Variants in ROBO1 observed in about 807,000 individuals in gnomAD.
ROBO1 encodes roundabout guidance receptor 1.
In ROBO1, 149 loss-of-function variants were observed where a neutral mutation model predicts 195.9. The observed-to-expected ratio is 0.76, with a 90% confidence interval of 0.67 to 0.87. ROBO1 has a LOEUF of 0.87. Ranked by LOEUF, ROBO1 falls within the 40% of genes least tolerant of loss-of-function variation. The pLI, the probability that ROBO1 is intolerant of heterozygous loss-of-function variation, is 0.00. For synonymous variants in ROBO1, 816 were observed against 733.2 expected (o/e 1.11, Z -1.82); for missense variants, 1,933 against 2,068.3 (o/e 0.93, Z 1.27).
chr3:79,070,194 T>A (rs1371447654), intron 3 of ROBO1, among the ~76,000 whole-genome samples: 1 of 151,902 alleles, frequency 6.6e-6, no homozygotes, highest in Admixed American at 6.6e-5. Context: ...TCCATATTGT[T>A]GTCATCCAGT....
intron 2 of ROBO1, among the ~76,000 whole-genome samples, chr3:79,510,257 G>A (rs992126068): frequency 6.6e-6 from 1 of 152,154 alleles, no homozygotes; most frequent in African/African-American, 2.4e-5. Context: ...TCTCATGACA[G>A]TGAGTGAGTT....
chr3:79,619,163 G>GC (rs1944924232), intron 1 of ROBO1, among the ~76,000 whole-genome samples: 1 of 66,000 alleles, frequency 1.5e-5, no homozygotes, highest in Admixed American at 1.8e-4. Context: ...CCGCAGGGAT[G>GC]CCTGCCTTGG....
chr3:79,464,329 C>A (rs1937828761), intron 2 of ROBO1, among the ~76,000 whole-genome samples: 1 of 152,188 alleles, frequency 6.6e-6, no homozygotes, highest in African/African-American at 2.4e-5. Flanking sequence ...TATATTTAAT[C>A]AAGGAACTGC....
Position 78,739,389 on chromosome 3 carries a change from T to A in ROBO1, c.657+7354A>T, listed in dbSNP as rs2082469613. 2.0e-5 allele frequency among the ~76,000 whole-genome samples: 3 copies of A among 152,170 alleles called. No homozygotes were observed. In the South Asian group the frequency reaches 6.2e-4, roughly 31 times the overall value. On this transcript the variant is annotated intron_variant, in intron 5 of 30. Coordinates refer to ENST00000464233, the MANE Select transcript of ROBO1 (RefSeq NM_002941.4). ...AATATCTCATAATTGCTTACTTTTT[T>A]CAACAATAACTTTTGAAATGTGTGC...
intron 2 of ROBO1, among the ~76,000 whole-genome samples, chr3:79,455,936 C>A (rs1478949845): frequency 2.6e-5 from 4 of 152,026 alleles, no homozygotes; most frequent in Non-Finnish European, 5.9e-5. Context: ...AATAAAGAAA[C>A]CCGAGTAGCT....
chr3:79,748,043 A>G (rs919723469), intron 1 of ROBO1, among the ~76,000 whole-genome samples: 2 of 150,832 alleles, frequency 1.3e-5, no homozygotes, highest in Admixed American at 6.6e-5. Context: ...TTCAGTAACC[A>G]AAAAAAAATA....
chr3:79,751,050 A>G (rs1488576863), intron 1 of ROBO1, among the ~76,000 whole-genome samples: 1 of 152,256 alleles, frequency 6.6e-6, no homozygotes, highest in Admixed American at 6.5e-5. Context: ...ATGGCACAGT[A>G]GCTTGAAGAA....
intron 2 of ROBO1, among the ~76,000 whole-genome samples, chr3:79,163,318 T>G (rs1430625250): frequency 1.3e-5 from 2 of 152,156 alleles, no homozygotes; most frequent in African/African-American, 4.8e-5. Flanking sequence ...CTTAGTATAA[T>G]GTTTTCAAGG....
intron 2 of ROBO1, among the ~76,000 whole-genome samples, chr3:79,173,973 T>A (rs1394284593): frequency 6.6e-6 from 1 of 152,020 alleles, no homozygotes; most frequent in Non-Finnish European, 1.5e-5. Flanking sequence ...TGGAGAACCT[T>A]TGTGTCTGGC....
intron 2 of ROBO1, among the ~76,000 whole-genome samples, chr3:79,327,272 A>T (rs1434913633): frequency 3.3e-5 from 5 of 152,024 alleles, no homozygotes; most frequent in Non-Finnish European, 5.9e-5. Context: ...TCATTATTAA[A>T]TATAAAATGT....
chr3:78,822,651 G>GA lies in ROBO1; in HGVS notation c.500-75752dup, dbSNP rs566965425. Reference sequence around the variant, plus strand: ...CATATAAGAATACATGGTTTCCTCTGAAAAAGCAACATTTCTATGAGTTAA... The same window carrying GA: ...CATATAAGAATACATGGTTTCCTCTGAAAAAAGCAACATTTCTATGAGTTAA... On this transcript the variant is annotated intron_variant, in intron 4 of 30. Transcript: ENST00000464233. Among the ~76,000 whole-genome samples the GA allele has an allele frequency of 1.7e-3, 259 of 152,244 alleles. 3 individuals carry two copies. In the Middle Eastern group the frequency reaches 0.024, roughly 14 times the overall value.
chr3:78,805,927 A>G (rs906655772), intron 4 of ROBO1, among the ~76,000 whole-genome samples: 9 of 152,080 alleles, frequency 5.9e-5, no homozygotes, highest in Non-Finnish European at 1.0e-4. Context: ...AAAATTCTCA[A>G]TAGACTTCAA....
At chr3:79,620,064 G>T (rs1944956024) in intron 1 of ROBO1, among the ~76,000 whole-genome samples, 1 of 152,140 alleles carries the variant, frequency 6.6e-6, no homozygotes, top group East Asian at 1.9e-4. Flanking sequence ...ATTCCTACAG[G>T]AACTCCTCCC....
At chr3:78,943,773 A>C (rs1178165930) in intron 3 of ROBO1, among the ~76,000 whole-genome samples, 1 of 152,222 alleles carries the variant, frequency 6.6e-6, no homozygotes, top group Non-Finnish European at 1.5e-5. Flanking sequence ...TAATAATTTG[A>C]GGAGAATGAA....
At chr3:79,616,213 T>G (rs955674323) in intron 1 of ROBO1, among the ~76,000 whole-genome samples, 1 of 152,148 alleles carries the variant, frequency 6.6e-6, no homozygotes. Flanking sequence ...GCAGTAGACA[T>G]CATCCTGGCA....
intron 4 of ROBO1, among the ~76,000 whole-genome samples, chr3:78,764,824 A>T (rs1000872257): frequency 1.8e-4 from 28 of 152,186 alleles, no homozygotes; most frequent in South Asian, 6.2e-4. Context: ...TCACAGAGAC[A>T]TAAGGCCTCT....
chr3:78,894,543 C>T (rs532626039), intron 4 of ROBO1, among the ~76,000 whole-genome samples: 36 of 152,036 alleles, frequency 2.4e-4, no homozygotes, highest in South Asian at 4.2e-4. Flanking sequence ...GCTAATGAAA[C>T]GAAGACCAAT....
intron 8 of ROBO1, among the ~76,000 whole-genome samples, chr3:78,700,195 A>G (rs1347109235): frequency 6.6e-6 from 1 of 152,162 alleles, no homozygotes; most frequent in Non-Finnish European, 1.5e-5. Flanking sequence ...GAAAGCACTT[A>G]GTCCTATTTT....
intron 29 of ROBO1, among the ~76,000 whole-genome samples, chr3:78,601,268 C>G (rs9865887): frequency 1 from 151,936 of 152,316 alleles, 75,780 homozygotes; most frequent in East Asian, 1. Context: ...CAGAAGGCTT[C>G]CCTCTAGCTC....
Sources: allele counts gnomAD v4.1 joint callset (sites outside exome capture counted in the v4.1 genomes callset), GRCh38; gene constraint gnomAD v4.1.1; transcripts MANE v1.5; gene names NCBI Gene and HGNC (gene_info 2026-07-23, HGNC 2026-07-21).